Variants in CAMTA1 observed in about 807,000 individuals in gnomAD.
CAMTA1 encodes the protein calmodulin binding transcription activator 1.
CAMTA1 carries 27 observed loss-of-function variants against 170.9 expected under a neutral mutation model. The observed-to-expected ratio is 0.16, with a 90% CI of 0.12 to 0.22. The LOEUF is 0.22. Among genes scored for constraint, CAMTA1 ranks in the 10% least tolerant of loss-of-function variants. The pLI is 1.00. For missense variants in CAMTA1, 1,619 were observed against 2,217.2 expected (o/e 0.73, Z 5.42); for synonymous variants, 833 against 891.5 (o/e 0.93, Z 1.17).
At chr1:6,803,110 G>A (rs1378636493) in intron 1 of CAMTA1, among the ~76,000 whole-genome samples, 1 of 152,218 alleles carries the variant, frequency 6.6e-6, no homozygotes, top group East Asian at 1.9e-4. Flanking sequence ...GGTCTGTGCG[G>A]TCTTTGCCCT....
At chr1:7,640,880 C>T (rs185748587) in intron 7 of CAMTA1, among the ~76,000 whole-genome samples, 2 of 152,188 alleles carry the variant, frequency 1.3e-5, no homozygotes, top group East Asian at 1.9e-4. Context: ...GAGTGGAGGC[C>T]GGCTGGGGAG....
chr1:7,750,373 C>T (rs1406399807), intron 19 of CAMTA1, among the ~76,000 whole-genome samples: 1 of 152,148 alleles, frequency 6.6e-6, no homozygotes, highest in East Asian at 1.9e-4. Context: ...GGTAAGTTGC[C>T]GTCTTATAAG....
At chr1:7,200,164 T>C (rs890033884) in intron 4 of CAMTA1, among the ~76,000 whole-genome samples, 3 of 152,244 alleles carry the variant, frequency 2.0e-5, no homozygotes, top group African/African-American at 7.2e-5. Flanking sequence ...TCTCTGTGTA[T>C]GTGGGTGTGT....
chr1:6,848,001 G>A (rs750513518), intron 3 of CAMTA1, among the ~76,000 whole-genome samples: 15 of 151,598 alleles, frequency 9.9e-5, no homozygotes, highest in Non-Finnish European at 2.1e-4. Context: ...ATGAGCCTCC[G>A]CGCCTGGCCT....
chr1:7,054,820 T>G (rs1298603875), intron 3 of CAMTA1, among the ~76,000 whole-genome samples: 1 of 152,196 alleles, frequency 6.6e-6, no homozygotes, highest in Non-Finnish European at 1.5e-5. Flanking sequence ...TACCCTAGAC[T>G]GGTAATTTAT....
chr1:7,207,836 G>GCTAC (rs1163218704), intron 4 of CAMTA1, among the ~76,000 whole-genome samples: 19 of 152,276 alleles, frequency 1.2e-4, no homozygotes, highest in African/African-American at 4.6e-4. Flanking sequence ...TTGGGGCCCT[G>GCTAC]CTACCTCTCC....
At chr1:6,821,643 A>C (rs900982466) in intron 2 of CAMTA1, among the ~76,000 whole-genome samples, 1 of 152,168 alleles carries the variant, frequency 6.6e-6, no homozygotes, top group African/African-American at 2.4e-5. Flanking sequence ...TATTCATAGA[A>C]CCAACATTAT....
rs201988108 is a variant in CAMTA1, at chr1:6,829,978, T to TA, written c.234+4775dup. On this transcript the variant is annotated intron_variant, in intron 3 of 22. Coordinates refer to ENST00000303635, the MANE Select transcript of CAMTA1 (RefSeq NM_015215.4). ...GGAAAGTAGTTTTGATTCCTTTTTTTAAAAAAAGTTTTCTCCTACGTGTAT... is the reference window on the plus strand; with the variant it reads ...GGAAAGTAGTTTTGATTCCTTTTTTTAAAAAAAAGTTTTCTCCTACGTGTAT... Among the ~76,000 whole-genome samples, 570 of 152,154 alleles carry TA rather than the reference T, an allele frequency of 3.7e-3. 5 individuals carry two copies. Among genetic ancestry groups the TA allele is most frequent in the African/African-American group, 0.013 (528 of 41,554 alleles).
chr1:7,061,914 T>C (rs1210536802), intron 3 of CAMTA1, among the ~76,000 whole-genome samples: 1 of 152,066 alleles, frequency 6.6e-6, no homozygotes, highest in African/African-American at 2.4e-5. Flanking sequence ...TGAGGTCCTA[T>C]TATATTAAAT....
intron 4 of CAMTA1, among the ~76,000 whole-genome samples, chr1:7,140,492 G>A (rs1645827363): frequency 6.6e-6 from 1 of 152,122 alleles, no homozygotes; most frequent in Admixed American, 6.6e-5. Context: ...CTGCTTTTCT[G>A]CTTTAGCAGT....
rs114009960 is a variant in CAMTA1, at chr1:7,486,771, G to A, written c.510+18870G>A. Among the ~76,000 whole-genome samples the A allele has an allele frequency of 8.2e-3, 1,248 of 152,302 alleles. 18 individuals are homozygous for A. Among genetic ancestry groups the A allele is most frequent in the African/African-American group, 0.028 (1,169 of 41,540 alleles). On this transcript the variant is annotated intron_variant, in intron 6 of 22. Coordinates refer to ENST00000303635, the MANE Select transcript of CAMTA1 (RefSeq NM_015215.4). ...TTTGATGGTCAAAATGACACTCTGG[G>A]TGAACCTTGTCTTTCCTCCCTGGAG...
In CAMTA1 at chr1:7,734,243, G is replaced by T. The variant is rs143745771; in HGVS notation, c.3066+1644G>T. On this transcript the variant is annotated intron_variant, in intron 12 of 22. Transcript: ENST00000303635. ...ATTACAGACATAAGCCACCGTGCCC[G>T]GCCGATAGTACTAAGTTTTATAAAA... is the stretch of plus-strand genomic sequence containing the variant. 8.5e-5 allele frequency among the ~76,000 whole-genome samples: 13 copies of T among 152,242 alleles called. No homozygotes were observed. In the East Asian group the frequency reaches 2.1e-3, roughly 25 times the overall value.
rs936035029 is a variant in CAMTA1 at position 7,010,089 on chromosome 1, T to G, written c.235-81215T>G. Among the ~76,000 whole-genome samples the G allele has an allele frequency of 4.6e-5, 7 of 152,210 alleles. No individual in the cohort carries two copies. Among genetic ancestry groups the G allele is most frequent in the African/African-American group, 1.7e-4 (7 of 41,464 alleles). On this transcript the variant is annotated intron_variant, in intron 3 of 22. Transcript: ENST00000303635. This position sits in a 1 kb window ranked among gnomAD's most constrained non-coding sequence, Gnocchi z 4.4. The stretch of plus-strand genomic sequence containing the variant: ...GGCACTTGCCAGGGGTTGGTTGGTT[T>G]GTTTCTTCTGGATTTGGATTTGTCC...
chr1:7,009,515 G>GGCTGCCAGGCCTGTTTT (rs1360665139), intron 3 of CAMTA1, among the ~76,000 whole-genome samples: 1 of 152,158 alleles, frequency 6.6e-6, no homozygotes, highest in Non-Finnish European at 1.5e-5. Flanking sequence ...GCACTGCCAG[G>GGCTGCCAGGCCTGTTTT]GCTGCCAGGC....
At chr1:7,452,597 G>A (rs12073273) in intron 5 of CAMTA1, among the ~76,000 whole-genome samples, 17,777 of 152,128 alleles carry the variant, frequency 0.12, 1,222 homozygotes, top group African/African-American at 0.17. Context: ...TCTTCAGAAT[G>A]TTTCCTAGGA....
At chr1:7,002,527 T>G (rs1698375193) in intron 3 of CAMTA1, among the ~76,000 whole-genome samples, 1 of 152,246 alleles carries the variant, frequency 6.6e-6, no homozygotes, top group African/African-American at 2.4e-5. Context: ...TCACGGGGTC[T>G]AATAAGAATA....
chr1:7,251,888 T>C lies in CAMTA1; in HGVS notation c.438+2262T>C, dbSNP rs183636891. ...GTATATATGTTTGTGTGTGTGTGTGTGCGTATGTGCAATTTACATATTGTT... is the reference window on the plus strand; with the variant it reads ...GTATATATGTTTGTGTGTGTGTGTGCGCGTATGTGCAATTTACATATTGTT... On this transcript the variant is annotated intron_variant, in intron 5 of 22. Transcript: ENST00000303635. The surrounding 1 kb of genome is among the most constrained non-coding windows in gnomAD (Gnocchi z 5.1). 9.2e-5 allele frequency among the ~76,000 whole-genome samples: 14 copies of C among 152,214 alleles called. No homozygotes were observed. Among genetic ancestry groups the C allele is most frequent in the Admixed American group, 1.3e-4 (2 of 15,284 alleles).
intron 3 of CAMTA1, among the ~76,000 whole-genome samples, chr1:6,914,450 C>T (rs1469092313): frequency 6.6e-6 from 1 of 152,216 alleles, no homozygotes; most frequent in Non-Finnish European, 1.5e-5. Flanking sequence ...ATATATTTAA[C>T]AGATGCTATA....
chr1:6,905,866 G>C (rs1037869845), intron 3 of CAMTA1, among the ~76,000 whole-genome samples: 1 of 152,178 alleles, frequency 6.6e-6, no homozygotes, highest in Non-Finnish European at 1.5e-5. Context: ...CCAGAGTGCA[G>C]AGTTGCTGCC....
Sources: gnomAD v4.1 joint callset for allele counts (sites outside exome capture counted in the v4.1 genomes callset) on GRCh38, gnomAD v4.1.1 for gene constraint, Gnocchi (gnomAD v3.1) non-coding constraint, MANE v1.5 for transcripts, NCBI Gene and HGNC (gene_info 2026-07-23, HGNC 2026-07-21) for gene names.